Variants in KCTD19 observed in about 807,000 individuals in gnomAD.
The protein encoded by KCTD19 is potassium channel tetramerization domain containing 19.
A neutral mutation model predicts 103.5 loss-of-function variants in KCTD19; 67 were observed. That is an observed-to-expected ratio of 0.65 (90% CI 0.53 to 0.79). The LOEUF is 0.79. KCTD19 is among the 30% of genes least tolerant of loss of function. The pLI, the probability that KCTD19 is intolerant of heterozygous loss-of-function variation, is 0.00. For missense variants in KCTD19, 980 were observed against 1,136.1 expected (o/e 0.86, Z 1.98); for synonymous variants, 439 against 452.2 (o/e 0.97, Z 0.37).
intron 5 of KCTD19, 131 bp from the exon 6 acceptor site, chr16:67,299,704 A>G (rs1256183890): frequency 1.5e-6 from 1 of 670,982 alleles, no homozygotes; most frequent in East Asian, 2.8e-5. Context: ...TTCTTTGCAC[A>G]GTCCAAATCA....
Position 67,326,714 on chromosome 16 carries a change from G to A in KCTD19, c.-7C>T, listed in dbSNP as rs1185222090. Reference sequence around the variant, plus strand: ...AGAGCGGGCTCCGTACCATGGTCGCGGCTCCAGCAGCGGGCGGGCGGGCTT... The same window carrying A: ...AGAGCGGGCTCCGTACCATGGTCGCAGCTCCAGCAGCGGGCGGGCGGGCTT... On this transcript the variant is annotated 5_prime_UTR_variant, in exon 1 of 16. Transcript: ENST00000304372. 2 of 1,575,346 alleles carry A rather than the reference G, an allele frequency of 1.3e-6. No homozygotes were observed. Among genetic ancestry groups the A allele is most frequent in the African/African-American group, 1.4e-5 (1 of 71,262 alleles).
intron 2 of KCTD19, among the ~76,000 whole-genome samples, chr16:67,314,329 G>T: frequency 6.7e-6 from 1 of 150,064 alleles, no homozygotes; most frequent in East Asian, 2.0e-4. Context: ...TTTAAAGCAT[G>T]CAATTCAGTG....
At chr16:67,298,583 T>C (rs894392914) in intron 6 of KCTD19, among the ~76,000 whole-genome samples, 5 of 152,056 alleles carry the variant, frequency 3.3e-5, no homozygotes, top group African/African-American at 1.2e-4. Flanking sequence ...AACCCTCCCT[T>C]CCAAGGCACT....
At chr16:67,295,213 G>A (rs1191251329) in intron 9 of KCTD19, 50 bp downstream of exon 9, 1 of 1,604,202 alleles carries the variant, frequency 6.2e-7, no homozygotes, top group African/African-American at 1.3e-5. Context: ...GTTGCTAAGG[G>A]AGGGGTCAGC....
At chr16:67,291,539 A>C in intron 13 of KCTD19, 76 bp from the exon 14 acceptor site, 2 of 1,560,108 alleles carry the variant, frequency 1.3e-6, no homozygotes, top group East Asian at 4.5e-5. Context: ...GGAGGGGGAG[A>C]GGGGTAGGGC....
rs750860162 is a variant in KCTD19 at position 67,290,873 on chromosome 16, A to G, written c.2667+12T>C. 6.2e-6 allele frequency: 10 copies of G among 1,605,638 alleles called. No individual in the cohort carries two copies. The East Asian group carries it at 6.7e-5, about 11-fold the overall frequency. ...GGTCGGTGGATTCCCAGGGATTGCA[A>G]GTGGCCCTCACCTCCACCCAGCTGT... On this transcript the variant is annotated intron_variant, in intron 15 of 15. Coordinates refer to ENST00000304372, the MANE Select transcript of KCTD19 (RefSeq NM_001100915.3).
chr16:67,308,543 C>T (rs2036918024), intron 2 of KCTD19, among the ~76,000 whole-genome samples: 1 of 152,130 alleles, frequency 6.6e-6, no homozygotes, highest in Non-Finnish European at 1.5e-5. Context: ...CTCCACAAAA[C>T]TCCAAAAACA....
chr16:67,306,298 C>T (rs1173831837), intron 2 of KCTD19, among the ~76,000 whole-genome samples: 1 of 152,218 alleles, frequency 6.6e-6, no homozygotes, highest in Non-Finnish European at 1.5e-5. Context: ...TAGAGTCTCG[C>T]TCTGTCACCC....
In KCTD19 at chr16:67,320,796, G is replaced by C. The variant is rs1461923012; in HGVS notation, c.93C>G (p.Leu31=). ...GWHFSVPRSK[L]SQFPDSLLWK... is the part of the protein sequence containing the mutation. ...ACAGCAGGGAGTCTGGAAACTGAGA[G>C]AGTTTGCTTCTGGGAACTGAGAAAT... The change falls in exon 2 of 16, where the codon CTC becomes CTG. Residue 31 remains leucine (L), a synonymous_variant. Coordinates refer to ENST00000304372, the MANE Select transcript of KCTD19 (RefSeq NM_001100915.3). This position sits in a 1 kb window ranked among gnomAD's most constrained non-coding sequence, Gnocchi z 4.0. The C allele has an allele frequency of 1.2e-5, 19 of 1,614,162 alleles. No individual in the cohort carries two copies. Among genetic ancestry groups the C allele is most frequent in the Non-Finnish European group, 1.6e-5 (19 of 1,180,020 alleles).
intron 2 of KCTD19, among the ~76,000 whole-genome samples, chr16:67,311,773 C>G (rs981204841): frequency 3.3e-5 from 5 of 151,680 alleles, no homozygotes; most frequent in Admixed American, 3.3e-4. Flanking sequence ...AGGTGTGTGT[C>G]TTTGTTGGGA....
rs577383470 is a variant in KCTD19 at position 67,315,048 on chromosome 16, T to C, written c.300+5541A>G. On this transcript the variant is annotated intron_variant, in intron 2 of 15. Coordinates refer to ENST00000304372, the MANE Select transcript of KCTD19 (RefSeq NM_001100915.3). ...ATTTCTTTTTTAATTTTTTGTAGAGTTGGAGTCTCACTTTGTTGCCTAGGC... is the reference window on the plus strand; with the variant it reads ...ATTTCTTTTTTAATTTTTTGTAGAGCTGGAGTCTCACTTTGTTGCCTAGGC... 2.0e-5 allele frequency among the ~76,000 whole-genome samples: 3 copies of C among 151,798 alleles called. No homozygotes were observed. In the South Asian group the frequency reaches 6.2e-4, roughly 32 times the overall value.
chr16:67,301,989 T>A, intron 4 of KCTD19, 67 bp from the exon 5 acceptor site: 1 of 1,521,864 alleles, frequency 6.6e-7, no homozygotes, highest in Non-Finnish European at 9.1e-7. Context: ...AGGTCCTGGT[T>A]TTGGCAGGTT....
At chr16:67,317,472 T>C (rs1422185576) in intron 2 of KCTD19, among the ~76,000 whole-genome samples, 5 of 151,048 alleles carry the variant, frequency 3.3e-5, no homozygotes, top group African/African-American at 1.2e-4. Flanking sequence ...AGTGAGACTC[T>C]GTCTCCAAAA....
chr16:67,301,221 G>A (rs1340868176), intron 5 of KCTD19: 1 of 153,252 alleles, frequency 6.5e-6, no homozygotes, highest in Non-Finnish European at 1.5e-5. Context: ...GCTGGAATGA[G>A]GTAGGGCTGG....
chr16:67,294,008 G>A lies in KCTD19; in HGVS notation c.1754C>T (p.Pro585Leu). ...LCRNAKRAGN[P>L]STYSHCRGLC... Reference sequence around the variant, plus strand: ...GCCACGGCAGTGTGAGTATGTGCTAGGGTTGCCAGCCCTCTTGGCATTTCG... The same window carrying A: ...GCCACGGCAGTGTGAGTATGTGCTAAGGTTGCCAGCCCTCTTGGCATTTCG... The change falls in exon 12 of 16, where the codon CCT becomes CTT. Residue 585 changes from proline (P) to leucine (L), a missense_variant. Transcript: ENST00000304372. 1 of 1,614,160 alleles carries A rather than the reference G, an allele frequency of 6.2e-7. No individual in the cohort carries two copies. The highest frequency in any genetic ancestry group is 1.1e-5 in the South Asian group (1 of 91,078).
rs755913336 is a variant in KCTD19 at position 67,297,654 on chromosome 16, C to A, written c.996G>T (p.Leu332=). The A allele has an allele frequency of 1.2e-6, 2 of 1,613,776 alleles. No homozygotes were observed. Among genetic ancestry groups the A allele is most frequent in the Non-Finnish European group, 1.7e-6 (2 of 1,180,002 alleles). The change falls in exon 7 of 16, where the codon CTG becomes CTT. Residue 332 remains leucine, a synonymous_variant. Coordinates refer to ENST00000304372, the MANE Select transcript of KCTD19 (RefSeq NM_001100915.3). Reference sequence around the variant, plus strand: ...CTGTCAGGGGCAGCCGGCAAGTCCCCAGCCAGTTCCTGCCCAGAGGAAAGG... The same window carrying A: ...CTGTCAGGGGCAGCCGGCAAGTCCCAAGCCAGTTCCTGCCCAGAGGAAAGG... The part of the protein sequence containing the change: ...GVLFQHVKNW[L]GTCRLPLTET...
At chr16:67,311,863 C>T (rs1297557864) in intron 2 of KCTD19, among the ~76,000 whole-genome samples, 1 of 152,130 alleles carries the variant, frequency 6.6e-6, no homozygotes, top group Admixed American at 6.5e-5. Context: ...GAGTCATCCA[C>T]TTACCCACAC....
intron 8 of KCTD19, 142 bp downstream of exon 8, chr16:67,296,017 A>G: frequency 1.6e-6 from 1 of 638,324 alleles, no homozygotes. Context: ...TGCTGGGATT[A>G]CAGGCATGAG....
intron 2 of KCTD19, among the ~76,000 whole-genome samples, chr16:67,314,826 TATATAGAGAGAGAGAGAGAG>T (rs1241428322): frequency 3.6e-5 from 2 of 55,318 alleles, no homozygotes; most frequent in Middle Eastern, 0.017. Context: ...TATATATATA[TATATAGAGAGAGAGAGAGAG>T]AGAGAGAGAG....
Sources: gnomAD v4.1 joint callset for allele counts (sites outside exome capture counted in the v4.1 genomes callset) on GRCh38, gnomAD v4.1.1 for gene constraint, Gnocchi (gnomAD v3.1) non-coding constraint, MANE v1.5 for transcripts, NCBI Gene and HGNC (gene_info 2026-07-23, HGNC 2026-07-21) for gene names.